The following GPATCH8 variants were observed in gnomAD, a reference collection of about 807,000 sequenced individuals.
GPATCH8 encodes G-patch domain containing 8.
In GPATCH8, 18 loss-of-function variants were observed where a neutral mutation model predicts 118.3. The observed-to-expected ratio is 0.15, with a 90% CI of 0.11 to 0.23. The LOEUF is 0.23. GPATCH8 is among the 10% of genes least tolerant of loss of function. The probability of loss-of-function intolerance (pLI) is 1.00; values close to 1 mark genes in which losing one functional copy is unlikely to be tolerated. For missense variants in GPATCH8, 1,631 were observed against 1,873.8 expected (o/e 0.87, Z 2.39); for synonymous variants, 659 against 684.7 (o/e 0.96, Z 0.59).
chr17:44,451,723 T>C (rs2144182754), intron 3 of GPATCH8, among the ~76,000 whole-genome samples: 1 of 152,316 alleles, frequency 6.6e-6, no homozygotes, highest in South Asian at 2.1e-4. Context: ...TTCTAGTGAA[T>C]TTATACTCAT....
chr17:44,436,817 G>A (rs2050528903), intron 3 of GPATCH8: 3 of 475,512 alleles, frequency 6.3e-6, no homozygotes, highest in African/African-American at 3.9e-5. Flanking sequence ...GCACTTTTAA[G>A]CAATGGCATC....
chr17:44,426,558 T>G (rs1006757521), intron 5 of GPATCH8, among the ~76,000 whole-genome samples: 1 of 141,618 alleles, frequency 7.1e-6, no homozygotes, highest in Non-Finnish European at 1.5e-5. Flanking sequence ...AAGCCAAGAT[T>G]GCGCCACTGC....
intron 2 of GPATCH8, among the ~76,000 whole-genome samples, chr17:44,468,072 T>C (rs1294904330): frequency 6.6e-6 from 1 of 151,070 alleles, no homozygotes; most frequent in Admixed American, 6.6e-5. Flanking sequence ...CAATCTCAGC[T>C]CACTACAATC....
intron 6 of GPATCH8, among the ~76,000 whole-genome samples, chr17:44,407,934 G>A (rs1042347505): frequency 6.6e-6 from 1 of 152,030 alleles, no homozygotes; most frequent in African/African-American, 2.4e-5. Flanking sequence ...TGGGATTAAA[G>A]GCATGAGATA....
chr17:44,486,166 G>C (rs757504824), intron 1 of GPATCH8: 47 of 152,212 alleles, frequency 3.1e-4, no homozygotes, highest in Admixed American at 2.2e-3. Context: ...ATACAAGACA[G>C]TTTTTATTTT....
Position 44,436,426 on chromosome 17 carries a change from G to A in GPATCH8, c.261+52C>T, listed in dbSNP as rs2050515643. On this transcript the variant is annotated intron_variant, in intron 4 of 7. Transcript: ENST00000591680. ...GCACAGACATCTGAATTTGGAATTA[G>A]TATTATTTCAAAATATCTCACAAAA... 7 of 819,414 alleles carry A rather than the reference G, an allele frequency of 8.5e-6. No homozygotes were observed. In the South Asian group the frequency reaches 9.3e-5, roughly 11 times the overall value. 50.8% of individuals were successfully genotyped at this position (819,414 alleles called of 1,614,324 possible).
At chr17:44,460,972 A>AAACAG (rs2051522141) in intron 3 of GPATCH8, among the ~76,000 whole-genome samples, 1 of 152,216 alleles carries the variant, frequency 6.6e-6, no homozygotes, top group Non-Finnish European at 1.5e-5. Context: ...ACTAGGAAGT[A>AAACAG]AACAGTCAGT....
intron 6 of GPATCH8, chr17:44,409,476 A>C (rs2049353289): frequency 6.6e-6 from 1 of 152,222 alleles, no homozygotes; most frequent in South Asian, 2.1e-4. Flanking sequence ...CTGATCCTTC[A>C]AAAGAGGTGA....
rs117446416 is a variant in GPATCH8, at chr17:44,493,873, A to G, written c.45+9453T>C. ...CTATTTACTTCACTGAATTATTAGA[A>G]GAACCAGAAAAGAACATTATATAAG... On this transcript the variant is annotated intron_variant, in intron 1 of 7. Coordinates refer to ENST00000591680, the MANE Select transcript of GPATCH8 (RefSeq NM_001002909.4). 3.8e-3 allele frequency among the ~76,000 whole-genome samples: 586 copies of G among 152,346 alleles called. 12 individuals carry two copies. The highest frequency in any genetic ancestry group is 2.7e-3 in the Non-Finnish European group (185 of 68,036).
chr17:44,422,913 C>CTA lies in GPATCH8; in HGVS notation c.492+1434_492+1435dup, dbSNP rs558509167. On this transcript the variant is annotated intron_variant, in intron 6 of 7. Coordinates refer to ENST00000591680, the MANE Select transcript of GPATCH8 (RefSeq NM_001002909.4). Reference sequence around the variant, plus strand: ...AAAAGTAACTGCCAATACAGCTTGTCTATATATATATGCTCTATAAATTTC... The same window carrying CTA: ...AAAAGTAACTGCCAATACAGCTTGTCTATATATATATATGCTCTATAAATTTC... Among the ~76,000 whole-genome samples the CTA allele has an allele frequency of 1.9e-4, 29 of 151,996 alleles. No homozygotes were observed. In the South Asian group the frequency reaches 4.8e-3, roughly 25 times the overall value.
chr17:44,458,000 G>T (rs1251746068), intron 3 of GPATCH8, among the ~76,000 whole-genome samples: 1 of 151,768 alleles, frequency 6.6e-6, no homozygotes, highest in Non-Finnish European at 1.5e-5. Context: ...CAGGAGAATG[G>T]CGTGAACCCG....
intron 3 of GPATCH8, among the ~76,000 whole-genome samples, chr17:44,442,593 T>C (rs754060071): frequency 1.3e-4 from 20 of 152,134 alleles, no homozygotes; most frequent in Non-Finnish European, 2.8e-4. Flanking sequence ...GCCTCCTGAG[T>C]AGCTGACACT....
chr17:44,396,069 T>C lies in GPATCH8; in HGVS notation c.*1499A>G. 1 of 454,298 alleles carries C rather than the reference T, an allele frequency of 2.2e-6. No homozygotes were observed. The allele number at this position is 454,298 out of a possible 1,614,324, so 28.1% of individuals were successfully genotyped here. A position where few individuals can be genotyped will look rare whatever the true frequency, so the allele number is the denominator to read the frequency against. The stretch of plus-strand genomic sequence containing the variant: ...CAAAATATCTGTAAATGTGCTCACC[T>C]CCCAACAAAAGGAAGACTGTCCCAA... On this transcript the variant is annotated 3_prime_UTR_variant, in exon 8 of 8. Coordinates refer to ENST00000591680, the MANE Select transcript of GPATCH8 (RefSeq NM_001002909.4).
At chr17:44,416,714 C>A (rs1436363979) in intron 6 of GPATCH8, among the ~76,000 whole-genome samples, 1 of 152,118 alleles carries the variant, frequency 6.6e-6, no homozygotes, top group Admixed American at 6.6e-5. Flanking sequence ...AATAAGTAAT[C>A]CTGTCAAAAA....
At chr17:44,468,544 T>C (rs1291113675) in intron 2 of GPATCH8, among the ~76,000 whole-genome samples, 3 of 151,824 alleles carry the variant, frequency 2.0e-5, no homozygotes, top group Admixed American at 2.0e-4. Flanking sequence ...TGAGCCACCA[T>C]GCCCAGCCAA....
At chr17:44,424,600 T>C (rs1334602321) in intron 5 of GPATCH8, 108 bp from the exon 6 acceptor site, 1 of 799,636 alleles carries the variant, frequency 1.3e-6, no homozygotes, top group Non-Finnish European at 2.1e-6. Flanking sequence ...GGGCTTTTCA[T>C]AATATTTAGT....
intron 5 of GPATCH8, among the ~76,000 whole-genome samples, chr17:44,429,687 A>C (rs1020648159): frequency 2.7e-4 from 20 of 73,726 alleles, no homozygotes; most frequent in African/African-American, 4.1e-4. Context: ...CACACACACA[A>C]AACAACAAAC....
chr17:44,455,375 C>A (rs966218020), intron 3 of GPATCH8, among the ~76,000 whole-genome samples: 9 of 151,966 alleles, frequency 5.9e-5, no homozygotes, highest in African/African-American at 2.2e-4. Context: ...GTGGCACATG[C>A]CTGTAATCCC....
intron 5 of GPATCH8, among the ~76,000 whole-genome samples, chr17:44,429,690 CA>C (rs59422081): frequency 6.0e-4 from 45 of 75,054 alleles, no homozygotes; most frequent in South Asian, 1.6e-3. Context: ...ACACACAAAA[CA>C]ACAAACAAAC....
Sources: gnomAD v4.1 joint callset for allele counts (sites outside exome capture counted in the v4.1 genomes callset) on GRCh38, gnomAD v4.1.1 for gene constraint, MANE v1.5 for transcripts, NCBI Gene and HGNC (gene_info 2026-07-23, HGNC 2026-07-21) for gene names.